The following POLRMT variants were observed in gnomAD, a reference collection of about 807,000 sequenced individuals.
POLRMT encodes RNA polymerase mitochondrial.
Under a neutral mutation model 132.2 loss-of-function variants are expected in POLRMT, and 114 were observed. The observed-to-expected ratio is 0.86, with a 90% CI of 0.74 to 1.01. The LOEUF (loss-of-function observed/expected upper bound fraction) is 1.01, where lower values mean the gene tolerates loss of function less well. Ranked by LOEUF, POLRMT falls within the 50% of genes least tolerant of loss-of-function variation. The pLI is 0.00. For synonymous variants in POLRMT, 1,020 were observed against 773.4 expected, an observed-to-expected ratio of 1.32 and a Z score of -5.29; for missense variants, 2,003 against 1,729.1, an observed-to-expected ratio of 1.16 and a Z score of -2.81.
At chr19:633,381 A>C in intron 1 of POLRMT, 44 bp downstream of exon 1, 1 of 1,448,708 alleles carries the variant, frequency 6.9e-7, no homozygotes, top group Non-Finnish European at 9.1e-7. Flanking sequence ...GGAGGAGCCC[A>C]CGCCGTGGCC....
chr19:620,189 C>A, intron 11 of POLRMT, 109 bp from the exon 12 acceptor site: 1 of 1,483,828 alleles, frequency 6.7e-7, no homozygotes, highest in Non-Finnish European at 9.0e-7. Flanking sequence ...ACCCCCCAGC[C>A]AAGTGCACCG....
At chr19:620,651 T>C (rs1363311969) in intron 10 of POLRMT, among the ~76,000 whole-genome samples, 164 bp from the exon 11 acceptor site, 2 of 149,430 alleles carry the variant, frequency 1.3e-5, no homozygotes, top group Admixed American at 1.3e-4. Flanking sequence ...GGATGAGTTC[T>C]CCATAGCCAC....
At chr19:631,020 G>A (rs967206757) in intron 2 of POLRMT, among the ~76,000 whole-genome samples, 10 of 151,712 alleles carry the variant, frequency 6.6e-5, no homozygotes, top group Non-Finnish European at 1.0e-4. Context: ...TTAGCTGGGC[G>A]TGGTGGCATG....
In POLRMT at chr19:621,050, G is replaced by A. The variant is rs749424274; in HGVS notation, c.2640+8C>T. The A allele has an allele frequency of 3.3e-5, 52 of 1,586,756 alleles. 2 individuals carry two copies. Among genetic ancestry groups the A allele is most frequent in the Middle Eastern group, 4.3e-4 (2 of 4,600 alleles). Reference sequence around the variant, plus strand: ...GGAGGGCGGGGAATGCGGGGGCCCCGCCCCTACCGTCAAGGGTTGGTCCGC... The same window carrying A: ...GGAGGGCGGGGAATGCGGGGGCCCCACCCCTACCGTCAAGGGTTGGTCCGC... On this transcript the variant is annotated splice_region_variant and intron_variant, in intron 10 of 20. Transcript: ENST00000588649.
chr19:628,732 C>T (rs1470745638), intron 3 of POLRMT, among the ~76,000 whole-genome samples: 1 of 151,978 alleles, frequency 6.6e-6, no homozygotes, highest in Non-Finnish European at 1.5e-5. Context: ...TGGCCGGATA[C>T]GGTGGCTCAC....
chr19:618,143 A>AC (rs1218779448), intron 17 of POLRMT: 4 of 562,526 alleles, frequency 7.1e-6, no homozygotes, highest in African/African-American at 3.8e-5. Context: ...CAGGGCCACC[A>AC]CCCCGCATCC....
Position 621,479 on chromosome 19 carries a change from T to A in POLRMT, c.2219A>T (p.Gln740Leu), listed in dbSNP as rs1984594005. 7 of 1,363,702 alleles carry A rather than the reference T, an allele frequency of 5.1e-6. No individual in the cohort carries two copies. The highest frequency in any genetic ancestry group is 6.6e-6 in the Non-Finnish European group (7 of 1,065,806). 84.5% of individuals were successfully genotyped at this position (1,363,702 alleles called of 1,614,324 possible). A position where few individuals can be genotyped will look rare whatever the true frequency, so the allele number is the denominator to read the frequency against. ...GTGCGGCAGGTGGGCCTCGGGCGGC[T>A]GGGGCGCCTCGGAGGGCGGGGCCGG... ...GVPAPPSEAP[Q>L]PPEAHLPHSA... Residue 740 changes from glutamine to leucine, a missense_variant, in exon 10 of 21, where the codon CAG becomes CTG. Transcript: ENST00000588649.
chr19:621,777 A>C lies in POLRMT; in HGVS notation c.1921T>G (p.Phe641Val). The change falls in exon 10 of 21, where the codon TTC (phenylalanine) becomes GTC (valine). Residue 641 changes from phenylalanine (F) to valine (V), a missense_variant. By Grantham distance (50) the Phe-to-Val change is conservative. Coordinates refer to ENST00000588649, the MANE Select transcript of POLRMT (RefSeq NM_005035.4). ...AGCATGGGTACATCCACCGCCTCGA[A>C]GGTCAGCGTGGGCTCCGCGGCCTTC... ...LEKAAEPTLT[F>V]EAVDVPMLCP... 2 of 1,602,052 alleles carry C rather than the reference A, an allele frequency of 1.2e-6. No individual in the cohort carries two copies. Among genetic ancestry groups the C allele is most frequent in the Non-Finnish European group, 8.5e-7 (1 of 1,179,798 alleles).
chr19:622,400 G>A lies in POLRMT; in HGVS notation c.1627-27C>T, dbSNP rs1472235826. ...TGTAGGACAGGGCGGTCAGGGCGCT[G>A]GGCACCGGGGCCCCTGAGCTAGATG... On this transcript the variant is annotated intron_variant, in intron 8 of 20. Transcript: ENST00000588649. 5 of 1,521,388 alleles carry A rather than the reference G, an allele frequency of 3.3e-6. 1 individual carries two copies. Among genetic ancestry groups the A allele is most frequent in the South Asian group, 2.4e-5 (2 of 81,698 alleles). The allele number at this position is 1,521,388 out of a possible 1,614,324, so 94.2% of individuals were successfully genotyped here.
At chr19:617,973 C>T (rs1193384745) in intron 17 of POLRMT, 124 bp from the exon 18 acceptor site, 2 of 785,378 alleles carry the variant, frequency 2.5e-6, no homozygotes, top group Non-Finnish European at 2.1e-6. Flanking sequence ...TCCTGCAGGC[C>T]TCGCCCCACC....
rs147740567 is a variant in POLRMT, at chr19:617,634, G to C, written c.3517C>G (p.Arg1173Gly). 1.4e-5 allele frequency: 23 copies of C among 1,612,336 alleles called. No homozygotes were observed. Among genetic ancestry groups the C allele is most frequent in the South Asian group, 8.8e-5 (8 of 91,090 alleles). Residue 1173 changes from arginine to glycine, a missense_variant, in exon 19 of 21, where the codon CGC becomes GGC. By Grantham distance (125) the Arg-to-Gly change is moderately radical. Coordinates refer to ENST00000588649, the MANE Select transcript of POLRMT (RefSeq NM_005035.4). ...TGCAGGATGGGCTCGCTGTGCAAGC[G>C]GACAAACTGCTCCCGGCACACCTGG... is the stretch of plus-strand genomic sequence containing the variant. ...MNQVCREQFV[R>G]LHSEPILQDL...
rs770526110 is a variant in POLRMT, at chr19:617,472, T to A, written c.3590A>T (p.Lys1197Met). 3 of 1,611,396 alleles carry A rather than the reference T, an allele frequency of 1.9e-6. No homozygotes were observed. The highest frequency in any genetic ancestry group is 1.7e-5 in the Admixed American group (1 of 59,946). The change falls in exon 20 of 21, where the codon AAG (lysine) becomes ATG (methionine). Residue 1197 changes from lysine (K) to methionine (M), a missense_variant. Physicochemically the swap from Lys to Met is moderately conservative, Grantham distance 95 (BLOSUM62 -1). Coordinates refer to ENST00000588649, the MANE Select transcript of POLRMT (RefSeq NM_005035.4). ...CTTCAGCTGGCTGGCCTCCAAGATC[T>A]TCTGGGGCCTGGGGTTGGAAGCAGG... ...LVKRFCSEPQKILEASQLKET... is the reference protein window; with the variant it reads ...LVKRFCSEPQMILEASQLKET...
At chr19:617,708 A>G (rs1835333568) in intron 18 of POLRMT, 53 bp from the exon 19 acceptor site, 1 of 1,610,534 alleles carries the variant, frequency 6.2e-7, no homozygotes, top group Admixed American at 1.7e-5. Flanking sequence ...TCTGGGCACC[A>G]CCCCTACCCA....
Position 622,595 on chromosome 19 carries a change from G to A in POLRMT, c.1613C>T (p.Ala538Val), listed in dbSNP as rs1984703940. 8 of 1,602,926 alleles carry A rather than the reference G, an allele frequency of 5.0e-6. No homozygotes were observed. The highest frequency in any genetic ancestry group is 6.8e-6 in the Non-Finnish European group (8 of 1,175,118). The change falls in exon 8 of 21, where the codon GCC becomes GTC. Residue 538 changes from alanine (A) to valine (V), a missense_variant. By Grantham distance (64) the Ala-to-Val change is moderately conservative. Transcript: ENST00000588649. ...NHYRKYLCLL[A>V]SDAEVPEPCL... ...TGCGAGCCTCACCTCGGCGTCGGAG[G>A]CCAGCAAGCAGAGGTACTTCCTGTA...
chr19:632,715 C>CTGGG, intron 2 of POLRMT, 119 bp downstream of exon 2: 2 of 809,114 alleles, frequency 2.5e-6, no homozygotes, highest in Non-Finnish European at 3.7e-6. Flanking sequence ...TGGGCGTGTC[C>CTGGG]TGGGACCCGA....
rs1049195101 is a variant in POLRMT at position 632,057 on chromosome 19, G to A, written c.193+777C>T. On this transcript the variant is annotated intron_variant, in intron 2 of 20. Coordinates refer to ENST00000588649, the MANE Select transcript of POLRMT (RefSeq NM_005035.4). ...CAAAGTGCTGGGATTACAGGCGTGA[G>A]CCACCGCACCAGGCCTCGGACCCTT... is the stretch of plus-strand genomic sequence containing the variant. Among the ~76,000 whole-genome samples, 4 of 149,446 alleles carry A rather than the reference G, an allele frequency of 2.7e-5. No homozygotes were observed. In the East Asian group the frequency reaches 7.7e-4, roughly 29 times the overall value.
In POLRMT at chr19:619,245, G is replaced by A. The variant is rs753168601; in HGVS notation, c.3118C>T (p.Leu1040=). The part of the protein sequence containing the change: ...HYLVRQVFKS[L]QEMFSGTRAI... ...CGGGTCCCCGAGAACATCTCCTGTA[G>A]ACTCTTGAAGACCTGGCGTACGAGA... Residue 1040 remains leucine (L), a synonymous_variant, in exon 14 of 21, where the codon CTA becomes TTA. Coordinates refer to ENST00000588649, the MANE Select transcript of POLRMT (RefSeq NM_005035.4). 9.3e-6 allele frequency: 15 copies of A among 1,608,042 alleles called. No homozygotes were observed. The highest frequency in any genetic ancestry group is 1.7e-5 in the Admixed American group (1 of 59,514).
At chr19:620,237 G>C in intron 11 of POLRMT, 128 bp downstream of exon 11, 1 of 1,453,078 alleles carries the variant, frequency 6.9e-7, no homozygotes, top group Non-Finnish European at 9.2e-7. Flanking sequence ...CAGGAGCCAT[G>C]GCTCCCGCAC....
intron 3 of POLRMT, among the ~76,000 whole-genome samples, chr19:627,910 CAG>C (rs757888782): frequency 1.6e-5 from 2 of 124,108 alleles, no homozygotes; most frequent in African/African-American, 6.2e-5. Flanking sequence ...GGGCAACAGA[CAG>C]AGAGTCTATC....
Sources: gnomAD v4.1 joint callset for allele counts (sites outside exome capture counted in the v4.1 genomes callset) on GRCh38, gnomAD v4.1.1 for gene constraint, MANE v1.5 for transcripts, NCBI Gene and HGNC (gene_info 2026-07-23, HGNC 2026-07-21) for gene names.